TJP1: variants seen among roughly 807,000 people sequenced by gnomAD.
TJP1 encodes the protein tight junction protein ZO-1.
A neutral mutation model predicts 194.2 loss-of-function variants in TJP1; 43 were observed. The observed-to-expected ratio is 0.22, with a 90% CI of 0.17 to 0.29. TJP1 has a LOEUF of 0.29. TJP1 is among the 10% of genes least tolerant of loss of function. The probability of loss-of-function intolerance (pLI) is 1.00; values close to 1 mark genes in which losing one functional copy is unlikely to be tolerated. For missense variants in TJP1, 1,971 were observed against 2,185.7 expected (o/e 0.90, Z 1.96); for synonymous variants, 801 against 779.0 (o/e 1.03, Z -0.47).
chr15:29,784,756 A>T (rs914022721), intron 2 of TJP1, among the ~76,000 whole-genome samples: 13 of 152,242 alleles, frequency 8.5e-5, no homozygotes, highest in Non-Finnish European at 1.6e-4. Flanking sequence ...ATACATGGAT[A>T]GGACTGGTGA....
chr15:29,821,303 C>A (rs2050325149), intron 1 of TJP1: 1 of 152,146 alleles, frequency 6.6e-6, no homozygotes, highest in African/African-American at 2.4e-5. Flanking sequence ...CCGGCCTTTA[C>A]TAATTTTTAA....
chr15:29,966,738 G>A (rs1424511287), intron 1 of TJP1, among the ~76,000 whole-genome samples: 2 of 151,918 alleles, frequency 1.3e-5, no homozygotes. Flanking sequence ...GAGGAGAAGG[G>A]GAATATATAT....
At chr15:29,943,947 A>G (rs2055180469) in intron 2 of TJP1, among the ~76,000 whole-genome samples, 1 of 152,104 alleles carries the variant, frequency 6.6e-6, no homozygotes, top group African/African-American at 2.4e-5. Context: ...GACTCCATCT[A>G]AAACAAAACA....
At chr15:29,734,958 T>TG (rs1220214149) in intron 11 of TJP1, among the ~76,000 whole-genome samples, 1 of 151,962 alleles carries the variant, frequency 6.6e-6, no homozygotes, top group Admixed American at 6.6e-5. Flanking sequence ...CCAGTTTAGA[T>TG]GAAAAAAGGT....
chr15:29,861,428 A>C (rs759962029), intron 2 of TJP1, among the ~76,000 whole-genome samples: 94 of 152,106 alleles, frequency 6.2e-4, no homozygotes, highest in Non-Finnish European at 1.1e-3. Context: ...CAATTTTTTG[A>C]ATTGCAGACG....
At chr15:29,818,827 T>G (rs1034698127) in intron 1 of TJP1, among the ~76,000 whole-genome samples, 1 of 151,504 alleles carries the variant, frequency 6.6e-6, no homozygotes, top group Admixed American at 6.6e-5. Flanking sequence ...TCATTACTTT[T>G]TGTTTTTGAG....
At chr15:29,765,767 T>C (rs2046292674) in intron 5 of TJP1, among the ~76,000 whole-genome samples, 1 of 152,074 alleles carries the variant, frequency 6.6e-6, no homozygotes, top group Non-Finnish European at 1.5e-5. Flanking sequence ...TGGCATGTAC[T>C]TGTACTTCCA....
Position 29,790,895 on chromosome 15 carries a change from C to A in TJP1, c.84+9751G>T, listed in dbSNP as rs75201977. 5.0e-3 allele frequency among the ~76,000 whole-genome samples: 757 copies of A among 151,960 alleles called. 29 individuals carry two copies. In the East Asian group the frequency reaches 0.096, roughly 19 times the overall value. On this transcript the variant is annotated intron_variant, in intron 2 of 27. Transcript: ENST00000614355. ...GGATTTCATTATTTTTTATGGTTGA[C>A]TAATATTCCATGGAACATATTTACA...
At chr15:29,854,159 T>A (rs2051755039) in intron 2 of TJP1, among the ~76,000 whole-genome samples, 1 of 152,176 alleles carries the variant, frequency 6.6e-6, no homozygotes, top group Admixed American at 6.5e-5. Context: ...TAATATTTTA[T>A]ACACCATATA....
At chr15:29,909,380 TC>T (rs2053945217) in intron 2 of TJP1, among the ~76,000 whole-genome samples, 1 of 149,626 alleles carries the variant, frequency 6.7e-6, no homozygotes, top group African/African-American at 2.5e-5. Context: ...AGAAAATGGT[TC>T]ATTTTTAAAC....
chr15:29,904,487 A>G (rs1304178787), intron 2 of TJP1, among the ~76,000 whole-genome samples: 2 of 152,108 alleles, frequency 1.3e-5, no homozygotes, highest in Non-Finnish European at 2.9e-5. Context: ...AATAAACTAC[A>G]GATTGTTCCA....
At chr15:29,728,152 G>T in intron 15 of TJP1, 133 bp from the exon 16 acceptor site, 1 of 563,314 alleles carries the variant, frequency 1.8e-6, no homozygotes, top group Admixed American at 3.3e-5. Context: ...TATGCATGCA[G>T]TACTTAAAGT....
intron 2 of TJP1, among the ~76,000 whole-genome samples, chr15:29,799,212 T>TCG (rs1473506488): frequency 1.3e-5 from 2 of 152,138 alleles, no homozygotes; most frequent in Non-Finnish European, 2.9e-5. Context: ...ATCATTGACA[T>TCG]CGCCACTAGT....
chr15:29,812,961 C>T (rs2049631888), intron 1 of TJP1, among the ~76,000 whole-genome samples: 1 of 151,886 alleles, frequency 6.6e-6, no homozygotes, highest in African/African-American at 2.4e-5. Context: ...TATTAACACT[C>T]CAGTAAGTAT....
chr15:29,922,696 G>A (rs141813591), intron 2 of TJP1, among the ~76,000 whole-genome samples: 16 of 152,170 alleles, frequency 1.1e-4, no homozygotes, highest in African/African-American at 3.4e-4. Context: ...AAATTAAATG[G>A]TTATTATAAA....
intron 1 of TJP1, among the ~76,000 whole-genome samples, chr15:29,821,103 A>G (rs911796081): frequency 4.6e-5 from 7 of 152,246 alleles, no homozygotes; most frequent in African/African-American, 1.7e-4. Flanking sequence ...TTTGTTTGAA[A>G]TAACAAGTAC....
chr15:29,754,887 A>T (rs1321971986), intron 8 of TJP1, among the ~76,000 whole-genome samples: 1 of 152,202 alleles, frequency 6.6e-6, no homozygotes, highest in Non-Finnish European at 1.5e-5. Flanking sequence ...ATTAAGCAAT[A>T]TGTGACAGAA....
intron 4 of TJP1, among the ~76,000 whole-genome samples, chr15:29,768,316 C>T (rs748170056): frequency 1.3e-5 from 2 of 152,248 alleles, no homozygotes; most frequent in Non-Finnish European, 2.9e-5. Flanking sequence ...CAACCCACAG[C>T]TGAAGTCCTT....
At position 29,705,749 on chromosome 15, in the gene TJP1, A is replaced by G. The variant is rs2150996088; in HGVS notation, c.4851-4T>C. 6.2e-7 allele frequency: 1 copy of G among 1,613,878 alleles called. No homozygotes were observed. The highest frequency in any genetic ancestry group is 2.2e-5 in the East Asian group (1 of 44,872). ...ATCCTCTTCCACAGCTGAAGGACTG[A>G]AAGTTCAGAAATGGCTAGTGAGTGA... On this transcript the variant is annotated splice_region_variant and splice_polypyrimidine_tract_variant and intron_variant, in intron 25 of 27. Transcript: ENST00000614355.
Sources: gnomAD v4.1 joint callset for allele counts (sites outside exome capture counted in the v4.1 genomes callset) on GRCh38, gnomAD v4.1.1 for gene constraint, MANE v1.5 for transcripts, NCBI Gene and HGNC (gene_info 2026-07-23, HGNC 2026-07-21) for gene names.